The following GHR variants were observed in gnomAD, a reference collection of about 807,000 sequenced individuals.
GHR encodes growth hormone receptor, also known as GH receptor.
GHR carries 35 observed loss-of-function variants against 67.1 expected under a neutral mutation model. The ratio of observed to expected loss-of-function variants is 0.52; its 90% CI spans 0.40 to 0.69. The LOEUF (loss-of-function observed/expected upper bound fraction) is 0.69, where lower values mean the gene tolerates loss of function less well. Among genes scored for constraint, GHR ranks in the 30% least tolerant of loss-of-function variants. GHR has a pLI of 0.00. For synonymous variants in GHR, 272 were observed against 269.1 expected (o/e 1.01, Z -0.10); for missense variants, 792 against 764.6 (o/e 1.04, Z -0.42).
intron 1 of GHR, among the ~76,000 whole-genome samples, chr5:42,492,795 C>A (rs1377442193): frequency 6.6e-6 from 1 of 152,104 alleles, no homozygotes; most frequent in Non-Finnish European, 1.5e-5. Context: ...ACAAATGGGG[C>A]AACCTGAAAA....
At chr5:42,521,555 T>C (rs34920261) in intron 1 of GHR, among the ~76,000 whole-genome samples, 1 of 152,250 alleles carries the variant, frequency 6.6e-6, no homozygotes, top group Non-Finnish European at 1.5e-5. Flanking sequence ...CTGAAACATT[T>C]CTGTCACATT....
At position 42,719,828 on chromosome 5, in the gene GHR, T is replaced by C. The variant is rs1488393200; in HGVS notation, c.*404T>C. 1.2e-5 allele frequency: 2 copies of C among 163,480 alleles called. No individual in the cohort carries two copies. The highest frequency in any genetic ancestry group is 2.6e-5 in the Non-Finnish European group (2 of 75,840). The allele number at this position is 163,480 out of a possible 1,614,324, so 10.1% of individuals were successfully genotyped here. A position where few individuals can be genotyped will look rare whatever the true frequency, so the allele number is the denominator to read the frequency against. ...GAATGCAAACCATAGCACAGGCTAATTTTTTGTTGTTTCTTAAATAAGAAA... is the reference window on the plus strand; with the variant it reads ...GAATGCAAACCATAGCACAGGCTAACTTTTTGTTGTTTCTTAAATAAGAAA... On this transcript the variant is annotated 3_prime_UTR_variant, in exon 10 of 10. Coordinates refer to ENST00000230882, the MANE Select transcript of GHR (RefSeq NM_000163.5).
intron 6 of GHR, among the ~76,000 whole-genome samples, chr5:42,706,342 T>A (rs1758174435): frequency 6.6e-6 from 1 of 152,094 alleles, no homozygotes; most frequent in African/African-American, 2.4e-5. Context: ...ATTCTGTAGA[T>A]TATCTGTTTT....
chr5:42,551,790 T>C (rs1362400554), intron 1 of GHR, among the ~76,000 whole-genome samples: 1 of 152,202 alleles, frequency 6.6e-6, no homozygotes, highest in African/African-American at 2.4e-5. Context: ...TTCTTTAGCA[T>C]TTTGATGATG....
intron 2 of GHR, among the ~76,000 whole-genome samples, chr5:42,587,777 C>T (rs1247343663): frequency 6.6e-6 from 1 of 151,998 alleles, no homozygotes; most frequent in Non-Finnish European, 1.5e-5. Flanking sequence ...AGGTAAGAAG[C>T]TTAGAGAAAT....
chr5:42,538,878 AT>A (rs1388542780), intron 1 of GHR, among the ~76,000 whole-genome samples: 5 of 151,414 alleles, frequency 3.3e-5, no homozygotes, highest in African/African-American at 1.2e-4. Flanking sequence ...ATATTTTCTT[AT>A]TTTTTTCTTT....
intron 2 of GHR, among the ~76,000 whole-genome samples, chr5:42,613,193 G>C (rs375790826): frequency 5.4e-4 from 82 of 152,184 alleles, no homozygotes; most frequent in African/African-American, 1.9e-3. Context: ...TTCCTAAGCT[G>C]TTCTAACTTT....
intron 2 of GHR, among the ~76,000 whole-genome samples, chr5:42,573,064 C>T (rs1750423532): frequency 6.6e-6 from 1 of 152,156 alleles, no homozygotes. Flanking sequence ...AGAATTAAAA[C>T]TTATTAGACG....
chr5:42,444,245 G>T (rs115910143), intron 1 of GHR, among the ~76,000 whole-genome samples: 163 of 152,196 alleles, frequency 1.1e-3, no homozygotes, highest in African/African-American at 3.7e-3. Flanking sequence ...ATAAAGAGAG[G>T]CATTCTCTTG....
chr5:42,702,718 T>G (rs1178621786), intron 6 of GHR, among the ~76,000 whole-genome samples: 1 of 151,984 alleles, frequency 6.6e-6, no homozygotes, highest in Non-Finnish European at 1.5e-5. Context: ...TTATCTCTTC[T>G]TTTTTTGAAA....
intron 3 of GHR, among the ~76,000 whole-genome samples, chr5:42,658,457 C>A (rs1041995836): frequency 4.6e-5 from 7 of 152,132 alleles, no homozygotes; most frequent in Non-Finnish European, 1.0e-4. Context: ...AATGAGAAAG[C>A]AAATGGCAAA....
chr5:42,674,705 A>G (rs1222600176), intron 3 of GHR, among the ~76,000 whole-genome samples: 1 of 152,170 alleles, frequency 6.6e-6, no homozygotes, highest in Non-Finnish European at 1.5e-5. Context: ...TTAAGACAAT[A>G]CTTTATTATA....
At chr5:42,673,810 A>G (rs968286654) in intron 3 of GHR, among the ~76,000 whole-genome samples, 1 of 152,172 alleles carries the variant, frequency 6.6e-6, no homozygotes, top group African/African-American at 2.4e-5. Context: ...CTAAAAAACT[A>G]TTAGGTACTA....
intron 2 of GHR, among the ~76,000 whole-genome samples, chr5:42,620,694 T>A (rs893158645): frequency 1.3e-5 from 2 of 152,174 alleles, no homozygotes; most frequent in African/African-American, 4.8e-5. Flanking sequence ...TACCCACTGT[T>A]GTTGATTTAA....
Position 42,463,392 on chromosome 5 carries a change from G to A in GHR, c.-12+39437G>A, listed in dbSNP as rs73083441. Among the ~76,000 whole-genome samples the A allele has an allele frequency of 4.2e-3, 645 of 152,268 alleles. 9 individuals are homozygous for A. The highest frequency in any genetic ancestry group is 0.015 in the African/African-American group (622 of 41,544). Reference sequence around the variant, plus strand: ...ATAAAATTACATCCCAAGATTATGAGGGTTGTGAAATTTTATAATTAGATA... The same window carrying A: ...ATAAAATTACATCCCAAGATTATGAAGGTTGTGAAATTTTATAATTAGATA... On this transcript the variant is annotated intron_variant, in intron 1 of 9. Coordinates refer to ENST00000230882, the MANE Select transcript of GHR (RefSeq NM_000163.5).
rs1345718950 is a variant in GHR at position 42,601,959 on chromosome 5, TGA to T, written c.71-27075_71-27074del. ...AAAAGAAAGAGGGAGGGAGACCAAC[TGA>T]GAGTATAAAAATAAATCTGGCATTT... On this transcript the variant is annotated intron_variant, in intron 2 of 9. Transcript: ENST00000230882. 2.0e-5 allele frequency among the ~76,000 whole-genome samples: 3 copies of T among 152,176 alleles called. No individual in the cohort carries two copies. The East Asian group carries it at 5.8e-4, about 29-fold the overall frequency.
chr5:42,546,288 C>T (rs914369391), intron 1 of GHR, among the ~76,000 whole-genome samples: 1 of 152,104 alleles, frequency 6.6e-6, no homozygotes, highest in Non-Finnish European at 1.5e-5. Context: ...ACTAGTTGGC[C>T]CTTTGTCTTT....
At chr5:42,634,646 G>A (rs1754087044) in intron 3 of GHR, among the ~76,000 whole-genome samples, 1 of 152,170 alleles carries the variant, frequency 6.6e-6, no homozygotes, top group Non-Finnish European at 1.5e-5. Flanking sequence ...TATGAAAGGA[G>A]AGTGATAAAG....
intron 5 of GHR, among the ~76,000 whole-genome samples, chr5:42,699,008 T>C (rs1028310631): frequency 6.6e-6 from 1 of 152,200 alleles, no homozygotes; most frequent in Non-Finnish European, 1.5e-5. Flanking sequence ...CAATAGAACC[T>C]GAGGAAAACA....
Sources: allele counts gnomAD v4.1 joint callset (sites outside exome capture counted in the v4.1 genomes callset), GRCh38; gene constraint gnomAD v4.1.1; transcripts MANE v1.5; gene names NCBI Gene and HGNC (gene_info 2026-07-23, HGNC 2026-07-21).